NIBAN1: variants seen among roughly 807,000 people sequenced by gnomAD.
NIBAN1 encodes niban apoptosis regulator 1.
A neutral mutation model predicts 75.1 loss-of-function variants in NIBAN1; 81 were observed. The observed-to-expected ratio is 1.08, with a 90% CI of 0.90 to 1.30. The LOEUF (loss-of-function observed/expected upper bound fraction) is 1.30. Among genes scored for constraint, NIBAN1 ranks in the 50% most tolerant of loss-of-function variants. NIBAN1 has a pLI of 0.00. For missense variants in NIBAN1, 1,133 were observed against 1,128.1 expected (o/e 1.00, Z -0.06); for synonymous variants, 436 against 424.8 (o/e 1.03, Z -0.32).
intron 1 of NIBAN1, among the ~76,000 whole-genome samples, chr1:184,928,567 G>A (rs1657740925): frequency 6.6e-6 from 1 of 152,120 alleles, no homozygotes; most frequent in South Asian, 2.1e-4. Context: ...CCCTCCATGG[G>A]TGCCAGCTGA....
chr1:184,837,549 A>G (rs924123160), intron 5 of NIBAN1, among the ~76,000 whole-genome samples: 2 of 152,138 alleles, frequency 1.3e-5, no homozygotes, highest in African/African-American at 2.4e-5. Context: ...TAAATAATAG[A>G]CTATGAGAGT....
intron 1 of NIBAN1, among the ~76,000 whole-genome samples, chr1:184,921,352 C>T (rs1034104276): frequency 4.0e-5 from 6 of 151,652 alleles, no homozygotes; most frequent in Admixed American, 2.6e-4. Context: ...CTAAGGTAAG[C>T]GAAAACAACA....
At chr1:184,919,971 G>A (rs548791360) in intron 1 of NIBAN1, among the ~76,000 whole-genome samples, 1 of 152,030 alleles carries the variant, frequency 6.6e-6, no homozygotes, top group Non-Finnish European at 1.5e-5. Flanking sequence ...TCATTACCCA[G>A]GGATAGAAAG....
At chr1:184,868,622 T>A (rs1421775817) in intron 5 of NIBAN1, 1 of 152,226 alleles carries the variant, frequency 6.6e-6, no homozygotes, top group African/African-American at 2.4e-5. Context: ...TTTCAATTGA[T>A]GTAGCAGCTC....
At chr1:184,829,120 G>A (rs1654925549) in intron 6 of NIBAN1, among the ~76,000 whole-genome samples, 1 of 152,038 alleles carries the variant, frequency 6.6e-6, no homozygotes, top group African/African-American at 2.4e-5. Flanking sequence ...TTCTTAGTGG[G>A]ACACTTGATA....
intron 5 of NIBAN1, among the ~76,000 whole-genome samples, chr1:184,860,750 A>T (rs1655796053): frequency 1.3e-5 from 2 of 152,188 alleles, no homozygotes; most frequent in Non-Finnish European, 2.9e-5. Flanking sequence ...TCTGAATCCA[A>T]AATAGTCTTT....
intron 12 of NIBAN1, among the ~76,000 whole-genome samples, chr1:184,798,750 G>A (rs1219186779): frequency 1.3e-5 from 2 of 151,678 alleles, no homozygotes; most frequent in Admixed American, 1.3e-4. Context: ...CACCCCCAAA[G>A]TTCCCCCACC....
chr1:184,900,222 T>C (rs1656917711), intron 1 of NIBAN1, among the ~76,000 whole-genome samples: 1 of 152,146 alleles, frequency 6.6e-6, no homozygotes, highest in African/African-American at 2.4e-5. Flanking sequence ...CCAATATTTC[T>C]GGTTTAAAAT....
In NIBAN1 at chr1:184,795,843, A is replaced by G; in HGVS notation, c.1921T>C (p.Ser641Pro). 1 of 1,610,046 alleles carries G rather than the reference A, an allele frequency of 6.2e-7. No homozygotes were observed. Among genetic ancestry groups the G allele is most frequent in the Non-Finnish European group, 8.5e-7 (1 of 1,177,686 alleles). Residue 641 changes from serine to proline, a missense_variant, in exon 14 of 14, where the codon TCT becomes CCT. Ser to Pro is a moderately conservative substitution (Grantham distance 74). Coordinates refer to ENST00000367511, the MANE Select transcript of NIBAN1 (RefSeq NM_052966.4). ...PSSLAKGESL[S>P]LPGPSPPPDG... Reference sequence around the variant, plus strand: ...GGGGGTGGGCTTGGCCCAGGGAGAGAAAGGCTTTCTCCTTTGGCCAACGAG... The same window carrying G: ...GGGGGTGGGCTTGGCCCAGGGAGAGGAAGGCTTTCTCCTTTGGCCAACGAG...
chr1:184,798,024 T>G, intron 13 of NIBAN1, 55 bp downstream of exon 13: 1 of 1,182,342 alleles, frequency 8.5e-7, no homozygotes, highest in South Asian at 1.4e-5. Flanking sequence ...GAGTCCTATT[T>G]CAGGGATGCT....
At chr1:184,797,628 TG>T (rs1653913848) in intron 13 of NIBAN1, among the ~76,000 whole-genome samples, 1 of 151,710 alleles carries the variant, frequency 6.6e-6, no homozygotes, top group Admixed American at 6.6e-5. Context: ...TAATAAGCCT[TG>T]CTGCTGGAAT....
rs148964708 is a variant in NIBAN1 at position 184,971,520 on chromosome 1, A to G, written c.55+2782T>C. On this transcript the variant is annotated intron_variant, in intron 1 of 13. Transcript: ENST00000367511. ...CCCCGTCTCTACTAAAAATACAAAA[A>G]TTAGCTGGGCATGGTGGTGCGTGGC... Among the ~76,000 whole-genome samples, 20 of 152,130 alleles carry G rather than the reference A, an allele frequency of 1.3e-4. 1 individual carries two copies. In the East Asian group the frequency reaches 3.9e-3, roughly 29 times the overall value.
chr1:184,831,813 C>G (rs1428398623), intron 6 of NIBAN1, 34 bp downstream of exon 6: 3 of 1,510,372 alleles, frequency 2.0e-6, no homozygotes, highest in Non-Finnish European at 1.8e-6. Context: ...TACCCAAACA[C>G]AGAGAGAATC....
At chr1:184,971,568 G>A (rs918639717) in intron 1 of NIBAN1, among the ~76,000 whole-genome samples, 1 of 152,076 alleles carries the variant, frequency 6.6e-6, no homozygotes, top group Non-Finnish European at 1.5e-5. Context: ...TATTCGGGAG[G>A]CTGAGGCAGG....
At chr1:184,908,323 T>C (rs1279666022) in intron 1 of NIBAN1, among the ~76,000 whole-genome samples, 2 of 152,184 alleles carry the variant, frequency 1.3e-5, no homozygotes, top group East Asian at 1.9e-4. Context: ...GGCAAAAATA[T>C]TGTTTTCTGC....
In NIBAN1 at chr1:184,818,774, A is replaced by T; in HGVS notation, c.1037T>A (p.Phe346Tyr). ...EKSCLESVQP[F>Y]LASILEELMG... ...GAGCTCCTCCAGGATGGATGCCAGG[A>T]ATGGCTGCACACTCTCCAAGCAGCT... Residue 346 changes from phenylalanine to tyrosine, a missense_variant, in exon 9 of 14, where the codon TTC becomes TAC. Transcript: ENST00000367511. 6.2e-7 allele frequency: 1 copy of T among 1,612,376 alleles called. No individual in the cohort carries two copies. Among genetic ancestry groups the T allele is most frequent in the South Asian group, 1.1e-5 (1 of 90,930 alleles).
chr1:184,857,564 TA>T (rs1655711768), intron 5 of NIBAN1, among the ~76,000 whole-genome samples: 2 of 152,174 alleles, frequency 1.3e-5, no homozygotes, highest in Non-Finnish European at 2.9e-5. Flanking sequence ...AATATATGCC[TA>T]AAATGATCAA....
intron 1 of NIBAN1, among the ~76,000 whole-genome samples, chr1:184,972,278 T>C (rs994374664): frequency 3.3e-5 from 5 of 152,224 alleles, no homozygotes; most frequent in African/African-American, 1.2e-4. Flanking sequence ...ATCGTTTTGC[T>C]TACAATTGAA....
chr1:184,943,865 T>C (rs1434820019), intron 1 of NIBAN1, among the ~76,000 whole-genome samples: 1 of 152,168 alleles, frequency 6.6e-6, no homozygotes. Flanking sequence ...GATATAACAG[T>C]ATATAGTTCA....
Sources: gnomAD v4.1 joint callset for allele counts (sites outside exome capture counted in the v4.1 genomes callset) on GRCh38, gnomAD v4.1.1 for gene constraint, MANE v1.5 for transcripts, NCBI Gene and HGNC (gene_info 2026-07-23, HGNC 2026-07-21) for gene names.